RMDN1: variants seen among roughly 807,000 people sequenced by gnomAD.
The protein encoded by RMDN1 is regulator of microtubule dynamics protein 1.
A neutral mutation model predicts 48.9 loss-of-function variants in RMDN1; 48 were observed. That is an observed-to-expected ratio of 0.98 (90% CI 0.78 to 1.25). The LOEUF is 1.25. Among genes scored for constraint, RMDN1 ranks in the 50% most tolerant of loss-of-function variants. RMDN1 has a pLI of 0.00. For missense variants in RMDN1, 418 were observed against 373.4 expected (o/e 1.12, Z -0.98); for synonymous variants, 148 against 132.6 (o/e 1.12, Z -0.80).
At chr8:86,487,394 A>G (rs1266535882) in intron 3 of RMDN1, among the ~76,000 whole-genome samples, 1 of 152,184 alleles carries the variant, frequency 6.6e-6, no homozygotes, top group South Asian at 2.1e-4. Context: ...ACCTGAGGTC[A>G]GGAGTTCAAA....
chr8:86,495,354 C>G (rs1234545438), intron 2 of RMDN1, among the ~76,000 whole-genome samples: 1 of 152,094 alleles, frequency 6.6e-6, no homozygotes, highest in Non-Finnish European at 1.5e-5. Context: ...AAGACCCCTC[C>G]AAGACATTTG....
upstream of RMDN1, among the ~76,000 whole-genome samples, chr8:86,510,954 T>C (rs1261921550): frequency 6.6e-6 from 1 of 151,820 alleles, no homozygotes; most frequent in Non-Finnish European, 1.5e-5. Context: ...TGAGACTCTG[T>C]CTCTACAAAA....
At chr8:86,480,638 TA>T (rs1225391815) in intron 5 of RMDN1, among the ~76,000 whole-genome samples, 1 of 152,102 alleles carries the variant, frequency 6.6e-6, no homozygotes, top group Non-Finnish European at 1.5e-5. Flanking sequence ...CAAATTAATC[TA>T]TAGCTCTTAA....
At chr8:86,478,623 T>A in intron 7 of RMDN1, 1 of 318,252 alleles carries the variant, frequency 3.1e-6, no homozygotes, top group Non-Finnish European at 5.8e-6. Flanking sequence ...TATTTCTTGT[T>A]CTATTTTATG....
chr8:86,494,020 G>A (rs1245668220), intron 2 of RMDN1, among the ~76,000 whole-genome samples: 2 of 152,180 alleles, frequency 1.3e-5, no homozygotes, highest in Non-Finnish European at 2.9e-5. Flanking sequence ...TAGGTAGAGA[G>A]TAGAATGGCG....
chr8:86,474,599 T>G, intron 9 of RMDN1: 1 of 717,074 alleles, frequency 1.4e-6, no homozygotes, highest in Non-Finnish European at 2.5e-6. Flanking sequence ...ACAGGAATAA[T>G]TCTGCATTGT....
Position 86,478,928 on chromosome 8 carries a change from C to T in RMDN1, c.724G>A (p.Glu242Lys). Residue 242 changes from glutamate to lysine, a missense_variant, in exon 7 of 10, where the codon GAG becomes AAG. Transcript: ENST00000406452. ...LFATPPSSTY[E>K]KALGYFHRAE... Reference sequence around the variant, plus strand: ...AACAAAGGACATCATACTACCTTCTCATAGGTGGAACTAGGAGGAGTTGCA... The same window carrying T: ...AACAAAGGACATCATACTACCTTCTTATAGGTGGAACTAGGAGGAGTTGCA... The T allele has an allele frequency of 6.2e-7, 1 of 1,612,666 alleles. No homozygotes were observed. The highest frequency in any genetic ancestry group is 8.5e-7 in the Non-Finnish European group (1 of 1,178,764).
chr8:86,474,636 G>T, intron 9 of RMDN1, 184 bp downstream of exon 9: 1 of 745,784 alleles, frequency 1.3e-6, no homozygotes, highest in Non-Finnish European at 2.4e-6. Flanking sequence ...CATCCACCTG[G>T]TGATAGTAAC....
chr8:86,483,245 T>C (rs988657503), intron 5 of RMDN1, among the ~76,000 whole-genome samples: 29 of 152,240 alleles, frequency 1.9e-4, no homozygotes, highest in African/African-American at 6.8e-4. Context: ...TGAAAGCTTA[T>C]ATAAAACATT....
chr8:86,508,201 A>C, intron 1 of RMDN1: 1 of 370,476 alleles, frequency 2.7e-6, no homozygotes, highest in Non-Finnish European at 4.9e-6. Context: ...ACAGCGGTCA[A>C]GGTTCTTTCC....
Position 86,480,309 on chromosome 8 carries a change from T to C in RMDN1, c.609A>G (p.Lys203=), listed in dbSNP as rs1462769048. Reference sequence around the variant, plus strand: ...CCATAAGGTGAATTGAAGTAGCATCTTTAGGGTTCAGTTCAATTGCTTTCT... The same window carrying C: ...CCATAAGGTGAATTGAAGTAGCATCCTTAGGGTTCAGTTCAATTGCTTTCT... ...HFEKAIELNP[K]DATSIHLMGI... is the part of the protein sequence containing the mutation. Residue 203 remains lysine, a synonymous_variant, in exon 6 of 10, where the codon AAA becomes AAG. Transcript: ENST00000406452. 4 of 1,545,674 alleles carry C rather than the reference T, an allele frequency of 2.6e-6. No individual in the cohort carries two copies. Among genetic ancestry groups the C allele is most frequent in the Non-Finnish European group, 3.5e-6 (4 of 1,135,776 alleles).
At chr8:86,478,851 T>G (rs1209008888) in intron 7 of RMDN1, 72 bp downstream of exon 7, 49 of 1,182,328 alleles carry the variant, frequency 4.1e-5, no homozygotes, top group Non-Finnish European at 5.8e-5. Flanking sequence ...GAGCTCCACA[T>G]GTGTGAACAC....
At chr8:86,497,637 G>A (rs1428134162) in intron 2 of RMDN1, among the ~76,000 whole-genome samples, 2 of 150,744 alleles carry the variant, frequency 1.3e-5, no homozygotes, top group South Asian at 2.1e-4. Flanking sequence ...GGAGGCGGAG[G>A]CTGCAGTGAG....
chr8:86,491,125 T>C lies in RMDN1; in HGVS notation c.248-2486A>G, dbSNP rs141446951. Among the ~76,000 whole-genome samples, 1,002 of 151,706 alleles carry C rather than the reference T, an allele frequency of 6.6e-3. 16 individuals are homozygous for C. The highest frequency in any genetic ancestry group is 0.023 in the African/African-American group (938 of 41,466). On this transcript the variant is annotated intron_variant, in intron 2 of 9. Transcript: ENST00000406452. ...ATAATATAATGGCTTTAAATATATATATAAATTTATTTATTTATTTATTTA... is the reference window on the plus strand; with the variant it reads ...ATAATATAATGGCTTTAAATATATACATAAATTTATTTATTTATTTATTTA...
chr8:86,505,048 A>AGACCACCACCAATGTCTAAGTC, intron 2 of RMDN1: 1 of 1,447,116 alleles, frequency 6.9e-7, no homozygotes, highest in Middle Eastern at 1.9e-4. Flanking sequence ...GCTGCTAAGG[A>AGACCACCACCAATGTCTAAGTC]GACCACCACC....
At chr8:86,471,563 G>C (rs1212676468), downstream of RMDN1, among the ~76,000 whole-genome samples, 2 of 151,860 alleles carry the variant, frequency 1.3e-5, no homozygotes, top group Non-Finnish European at 2.9e-5. Context: ...CTAAAATCAG[G>C]AAAAAAATTC....
chr8:86,501,117 A>C (rs891229384), intron 2 of RMDN1, among the ~76,000 whole-genome samples: 3 of 152,182 alleles, frequency 2.0e-5, no homozygotes, highest in African/African-American at 7.2e-5. Context: ...TACCTGGGTG[A>C]CAAAATCACT....
intron 5 of RMDN1, chr8:86,482,098 G>A (rs532585005): frequency 5.7e-5 from 33 of 582,046 alleles, no homozygotes; most frequent in East Asian, 9.0e-5. Context: ...TCTGGACCTC[G>A]ATCTTGAAAG....
rs1330616962 is a variant in RMDN1, at chr8:86,486,468, T to G, written c.495+16A>C. ...ACCTCTCAGTACATGGTTAATAGCTTAGTTAAGCAACTCACCTTATGAGAT... is the reference window on the plus strand; with the variant it reads ...ACCTCTCAGTACATGGTTAATAGCTGAGTTAAGCAACTCACCTTATGAGAT... On this transcript the variant is annotated intron_variant, in intron 4 of 9. Coordinates refer to ENST00000406452, the MANE Select transcript of RMDN1 (RefSeq NM_016033.3). 1.3e-5 allele frequency: 20 copies of G among 1,569,866 alleles called. No homozygotes were observed. The highest frequency in any genetic ancestry group is 1.6e-5 in the Non-Finnish European group (19 of 1,153,768).
Sources: allele counts gnomAD v4.1 joint callset (sites outside exome capture counted in the v4.1 genomes callset), GRCh38; gene constraint gnomAD v4.1.1; transcripts MANE v1.5; gene names NCBI Gene and HGNC (gene_info 2026-07-23, HGNC 2026-07-21).